GJA9: variants seen among roughly 807,000 people sequenced by gnomAD.
GJA9 encodes gap junction protein alpha 9.
In GJA9, 1 loss-of-function variant was observed where a neutral mutation model predicts 0.4. The observed-to-expected ratio is 2.50, with a 90% CI of 0.89 to 11.88. The LOEUF (loss-of-function observed/expected upper bound fraction) is 11.88. Ranked by LOEUF, GJA9 falls within the 30% of genes most tolerant of loss-of-function variation. GJA9 has a pLI of 0.12. For missense variants in GJA9, 550 were observed against 602.8 expected, an observed-to-expected ratio of 0.91 and a Z score of 0.92; for synonymous variants, 190 against 219.1, an observed-to-expected ratio of 0.87 and a Z score of 1.17.
rs77452061 is a variant in GJA9 at position 38,874,342 on chromosome 1, A to T, written c.*209T>A. The T allele has an allele frequency of 1.9e-6, 1 of 513,482 alleles. No individual in the cohort carries two copies. Among genetic ancestry groups the T allele is most frequent in the Non-Finnish European group, 3.4e-6 (1 of 292,986 alleles). The allele number at this position is 513,482 out of a possible 1,614,324, so 31.8% of individuals were successfully genotyped here. A position where few individuals can be genotyped will look rare whatever the true frequency, so the allele number is the denominator to read the frequency against. ...AAGGATATCATTTAAAAAAAAAAAA[A>T]TCCTGATTTGACAACTCTATGTCTT... On this transcript the variant is annotated 3_prime_UTR_variant, in exon 2 of 2. Transcript: ENST00000357771.
chr1:38,879,062 T>A lies in GJA9; in HGVS notation c.-96+2370A>T, dbSNP rs1485411206. Among the ~76,000 whole-genome samples, 5 of 152,252 alleles carry A rather than the reference T, an allele frequency of 3.3e-5. No individual in the cohort carries two copies. The East Asian group carries it at 9.7e-4, about 30-fold the overall frequency. On this transcript the variant is annotated intron_variant, in intron 1 of 1. Coordinates refer to ENST00000357771, the MANE Select transcript of GJA9 (RefSeq NM_030772.5). ...GGTACCAGAATCTCATTATAGATATTACTTGCAATAGATTGTTCACTGGTA... is the reference window on the plus strand; with the variant it reads ...GGTACCAGAATCTCATTATAGATATAACTTGCAATAGATTGTTCACTGGTA...
At chr1:38,881,175 T>A (rs1185583764) in intron 1 of GJA9, among the ~76,000 whole-genome samples, 1 of 152,188 alleles carries the variant, frequency 6.6e-6, no homozygotes, top group Non-Finnish European at 1.5e-5. Flanking sequence ...TGTAATTACA[T>A]GTATTTTAAT....
intron 1 of GJA9, among the ~76,000 whole-genome samples, chr1:38,877,599 C>A (rs542808728): frequency 1.3e-5 from 2 of 151,882 alleles, no homozygotes; most frequent in African/African-American, 4.8e-5. Flanking sequence ...TGGGTTCAAG[C>A]GATTCCCCTG....
chr1:38,878,256 G>GT (rs2124280448), intron 1 of GJA9, among the ~76,000 whole-genome samples: 1 of 150,986 alleles, frequency 6.6e-6, no homozygotes, highest in East Asian at 2.0e-4. Context: ...TTTTTGTATT[G>GT]TTAGTAGAGA....
Position 38,874,940 on chromosome 1 carries a change from G to T in GJA9, c.1159C>A (p.His387Asn). 1 of 1,614,174 alleles carries T rather than the reference G, an allele frequency of 6.2e-7. No individual in the cohort carries two copies. The highest frequency in any genetic ancestry group is 8.5e-7 in the Non-Finnish European group (1 of 1,180,022). ...ATAGCAACACCTGGAATAGAACGGT[G>T]ACCTCTAGAGTAGTAGTTCCTTTTG... The part of the protein sequence containing the change: ...DSKRNYYSRG[H>N]RSIPGVAIDG... The change falls in exon 2 of 2, where the codon CAC becomes AAC. Residue 387 changes from histidine to asparagine, a missense_variant. Physicochemically the swap from His to Asn is moderately conservative, Grantham distance 68. Coordinates refer to ENST00000357771, the MANE Select transcript of GJA9 (RefSeq NM_030772.5).
At position 38,875,628 on chromosome 1, in the gene GJA9, A is replaced by T. The variant is rs202212968; in HGVS notation, c.471T>A (p.Tyr157Ter). 5 of 1,614,232 alleles carry T rather than the reference A, an allele frequency of 3.1e-6. No homozygotes were observed. Residue 157 changes from tyrosine (Y) to a stop codon, truncating the protein, a stop_gained, in exon 2 of 2, where the codon TAT (tyrosine) becomes TAA (stop). Coordinates refer to ENST00000357771, the MANE Select transcript of GJA9 (RefSeq NM_030772.5). LOFTEE classifies it low-confidence loss of function (END_TRUNC). Reference protein sequence around the residue: ...APLRGTLLCTYVIHIFTRSVV... With the variant: ...APLRGTLLCT ...CAGAGCGAGTGAAAATGTGTATCAC[A>T]TAAGTGCAAAGCAAGGTTCCTCTGA... is the stretch of plus-strand genomic sequence containing the variant.
intron 1 of GJA9, among the ~76,000 whole-genome samples, chr1:38,880,298 G>A (rs1204529605): frequency 6.7e-6 from 1 of 149,866 alleles, no homozygotes; most frequent in Non-Finnish European, 1.5e-5. Context: ...CAGCTACTCG[G>A]GAGGCTGAGG....
In GJA9 at chr1:38,875,888, G is replaced by T. The variant is rs746681825; in HGVS notation, c.211C>A (p.Pro71Thr). Residue 71 changes from proline to threonine, a missense_variant, in exon 2 of 2, where the codon CCT (proline) becomes ACT (threonine). Transcript: ENST00000357771. Reference sequence around the variant, plus strand: ...ACCCAGTATCTAATGAGGGAGATAGGAAAGGCCTGGTCGTAGCATACATTT... The same window carrying T: ...ACCCAGTATCTAATGAGGGAGATAGTAAAGGCCTGGTCGTAGCATACATTT... Reference protein sequence around the residue: ...CRNVCYDQAFPISLIRYWVLQ... With the variant: ...CRNVCYDQAFTISLIRYWVLQ... 1.9e-6 allele frequency: 3 copies of T among 1,614,226 alleles called. No individual in the cohort carries two copies. The East Asian group carries it at 6.7e-5, about 36-fold the overall frequency.
At chr1:38,877,412 G>A (rs1264902643) in intron 1 of GJA9, among the ~76,000 whole-genome samples, 1 of 152,134 alleles carries the variant, frequency 6.6e-6, no homozygotes, top group Non-Finnish European at 1.5e-5. Flanking sequence ...TATTTATTAA[G>A]ATTATTTGAT....
At position 38,874,557 on chromosome 1, in the gene GJA9, C is replaced by A. The variant is rs1642543228; in HGVS notation, c.1542G>T (p.Gln514His). 6.2e-7 allele frequency: 1 copy of A among 1,612,302 alleles called. No homozygotes were observed. The highest frequency in any genetic ancestry group is 1.7e-5 in the Admixed American group (1 of 59,954). Residue 514 changes from glutamine (Q) to histidine (H), a missense_variant, in exon 2 of 2, where the codon CAG (glutamine) becomes CAT (histidine). Physicochemically the swap from Gln to His is conservative, Grantham distance 24 (BLOSUM62 0). Coordinates refer to ENST00000357771, the MANE Select transcript of GJA9 (RefSeq NM_030772.5). ...TCTAAAAGCCAACCGCTGTTTAGATCTGAAGATCTGTGGGAACCCGCCTAC... is the reference window on the plus strand; with the variant it reads ...TCTAAAAGCCAACCGCTGTTTAGATATGAAGATCTGTGGGAACCCGCCTAC... ...LIGRRVPTDLQI is the reference protein window; with the variant it reads ...LIGRRVPTDLHI
At position 38,881,577 on chromosome 1, in the gene GJA9, C is replaced by G; in HGVS notation, c.-241G>C. 13 of 670,070 alleles carry G rather than the reference C, an allele frequency of 1.9e-5. No individual in the cohort carries two copies. Among genetic ancestry groups the G allele is most frequent in the South Asian group, 1.8e-4 (11 of 62,228 alleles). 41.5% of individuals were successfully genotyped at this position (670,070 alleles called of 1,614,324 possible). On this transcript the variant is annotated 5_prime_UTR_variant, in exon 1 of 2. Transcript: ENST00000357771. ...ATGTAGTGAGTGAGTCATCCATCAA[C>G]TAAAATCCATGTCCCTTTCTGCTTA...
At position 38,874,747 on chromosome 1, in the gene GJA9, G is replaced by A. The variant is rs61744044; in HGVS notation, c.1352C>T (p.Thr451Ile). The stretch of plus-strand genomic sequence containing the variant: ...TTGTGAAGGAGGAAGGGTTCTGACT[G>A]TGCCCTTTCTGAACTGGCCCTTGAG... The part of the protein sequence containing the change: ...GNLKGQFRKG[T>I]VRTLPPSQGD... Residue 451 changes from threonine (T) to isoleucine (I), a missense_variant, in exon 2 of 2, where the codon ACA becomes ATA. By Grantham distance (89) the Thr-to-Ile change is moderately conservative. Transcript: ENST00000357771. 4.7e-3 allele frequency: 7,658 copies of A among 1,614,148 alleles called. 262 individuals carry two copies. In the African/African-American group the frequency reaches 0.081, roughly 17 times the overall value.
chr1:38,881,015 T>A (rs1642688731), intron 1 of GJA9, among the ~76,000 whole-genome samples: 1 of 152,112 alleles, frequency 6.6e-6, no homozygotes, highest in Admixed American at 6.6e-5. Context: ...TCAGTGAAAT[T>A]GATGTTATAA....
At chr1:38,878,943 G>T (rs1167987601) in intron 1 of GJA9, among the ~76,000 whole-genome samples, 1 of 151,918 alleles carries the variant, frequency 6.6e-6, no homozygotes, top group Non-Finnish European at 1.5e-5. Context: ...ATATTGGTCA[G>T]GCTAGTTTCG....
At chr1:38,876,979 C>T (rs905417422) in intron 1 of GJA9, among the ~76,000 whole-genome samples, 8 of 151,708 alleles carry the variant, frequency 5.3e-5, no homozygotes, top group Admixed American at 3.9e-4. Flanking sequence ...CTGGCCACCT[C>T]GGCCTCCCAA....
Position 38,874,579 on chromosome 1 carries a change from C to T in GJA9, c.1520G>A (p.Arg507Lys). The T allele has an allele frequency of 6.2e-7, 1 of 1,614,048 alleles. No homozygotes were observed. Among genetic ancestry groups the T allele is most frequent in the South Asian group, 1.1e-5 (1 of 91,078 alleles). ...GATCTGAAGATCTGTGGGAACCCGC[C>T]TACCAATGAGATTGTTCGTTAGGGA... Reference protein sequence around the residue: ...VVSLTNNLIGRRVPTDLQI With the variant: ...VVSLTNNLIGKRVPTDLQI The change falls in exon 2 of 2, where the codon AGG becomes AAG. Residue 507 changes from arginine (R) to lysine (K), a missense_variant. By Grantham distance (26) the Arg-to-Lys change is conservative. Transcript: ENST00000357771.
At position 38,875,633 on chromosome 1, in the gene GJA9, T is replaced by C; in HGVS notation, c.466A>G (p.Thr156Ala). The C allele has an allele frequency of 6.2e-7, 1 of 1,614,234 alleles. No individual in the cohort carries two copies. Among genetic ancestry groups the C allele is most frequent in the African/African-American group, 1.3e-5 (1 of 75,064 alleles). Residue 156 changes from threonine to alanine, a missense_variant, in exon 2 of 2, where the codon ACT (threonine) becomes GCT (alanine). Thr to Ala is a moderately conservative substitution (Grantham distance 58). Coordinates refer to ENST00000357771, the MANE Select transcript of GJA9 (RefSeq NM_030772.5). ...CGAGTGAAAATGTGTATCACATAAG[T>C]GCAAAGCAAGGTTCCTCTGAGTGGA... is the stretch of plus-strand genomic sequence containing the variant. ...KAPLRGTLLC[T>A]YVIHIFTRSV... is the part of the protein sequence containing the mutation.
intron 1 of GJA9, 195 bp from the exon 2 acceptor site, chr1:38,876,388 C>T (rs946652236): frequency 1.9e-5 from 7 of 374,546 alleles, no homozygotes; most frequent in South Asian, 7.4e-5. Context: ...ATCATCTCCC[C>T]TCTCAGCCTC....
chr1:38,881,333 G>C, intron 1 of GJA9, 99 bp downstream of exon 1: 2 of 577,506 alleles, frequency 3.5e-6, no homozygotes, highest in South Asian at 2.2e-5. Flanking sequence ...ATAAAAACTG[G>C]TATACATATA....
Sources: gnomAD v4.1 joint callset for allele counts (sites outside exome capture counted in the v4.1 genomes callset) on GRCh38, gnomAD v4.1.1 for gene constraint, MANE v1.5 for transcripts, NCBI Gene and HGNC (gene_info 2026-07-23, HGNC 2026-07-21) for gene names.